The following RNF213 variants were observed in gnomAD, a reference collection of about 807,000 sequenced individuals.
RNF213 encodes ring finger protein 213.
In RNF213, 341 loss-of-function variants were observed where a neutral mutation model predicts 514.4. The observed-to-expected ratio is 0.66, with a 90% CI of 0.61 to 0.73. The LOEUF (loss-of-function observed/expected upper bound fraction) is 0.73. RNF213 is among the 30% of genes least tolerant of loss of function. The probability of loss-of-function intolerance (pLI) is 0.00; values close to 1 mark genes in which losing one functional copy is unlikely to be tolerated. For missense variants in RNF213, 5,767 were observed against 6,615.6 expected, an observed-to-expected ratio of 0.87 and a Z score of 4.45; for synonymous variants, 2,655 against 2,658.2, an observed-to-expected ratio of 1.00 and a Z score of 0.04.
chr17:80,336,442 GCAGTGA>G, intron 23 of RNF213, 64 bp downstream of exon 23: 2 of 1,402,286 alleles, frequency 1.4e-6, no homozygotes, highest in Non-Finnish European at 9.8e-7. Flanking sequence ...CAACGTTAGG[GCAGTGA>G]CTGTGGAAAT....
chr17:80,396,745 C>A lies in RNF213; in HGVS notation c.*3247C>A, dbSNP rs12936624. 4.8e-5 allele frequency: 5 copies of A among 105,118 alleles called. No individual in the cohort carries two copies. Among genetic ancestry groups the A allele is most frequent in the South Asian group, 3.6e-4 (1 of 2,762 alleles). The allele number at this position is 105,118 out of a possible 1,614,324, so 6.5% of individuals were successfully genotyped here. A position where few individuals can be genotyped will look rare whatever the true frequency, so the allele number is the denominator to read the frequency against. ...TGCATTTCCCCCCCACCCCCCCCCC[C>A]CAACCAGAGCAACTTTGGTCAGAAG... On this transcript the variant is annotated 3_prime_UTR_variant, in exon 68 of 68. Coordinates refer to ENST00000582970, the MANE Select transcript of RNF213 (RefSeq NM_001256071.3).
chr17:80,296,937 C>G (rs999045526), intron 10 of RNF213, among the ~76,000 whole-genome samples: 5 of 151,050 alleles, frequency 3.3e-5, no homozygotes, highest in African/African-American at 9.7e-5. Flanking sequence ...CCTCGACCTC[C>G]CAAAGTGCTG....
At chr17:80,387,031 C>G in intron 63 of RNF213, 140 bp downstream of exon 63, 1 of 837,708 alleles carries the variant, frequency 1.2e-6, no homozygotes, top group African/African-American at 1.7e-5. Flanking sequence ...CTGCAGCTCC[C>G]GAGGCCACCA....
intron 3 of RNF213, among the ~76,000 whole-genome samples, chr17:80,277,388 A>G (rs2044103075): frequency 6.6e-6 from 1 of 152,076 alleles, no homozygotes; most frequent in Non-Finnish European, 1.5e-5. Flanking sequence ...ACTTGAGGTC[A>G]GGAGTTCAAG....
intron 2 of RNF213, among the ~76,000 whole-genome samples, chr17:80,269,297 A>G (rs895809446): frequency 6.6e-6 from 1 of 152,106 alleles, no homozygotes; most frequent in African/African-American, 2.4e-5. Context: ...GCATCCTTCA[A>G]CCCAATCAAA....
At position 80,296,246 on chromosome 17, in the gene RNF213, C is replaced by T. The variant is rs570433932; in HGVS notation, c.2012+433C>T. Among the ~76,000 whole-genome samples the T allele has an allele frequency of 8.1e-4, 123 of 152,282 alleles. 1 individual carries two copies. Among genetic ancestry groups the T allele is most frequent in the African/African-American group, 2.9e-3 (120 of 41,574 alleles). The stretch of plus-strand genomic sequence containing the variant: ...TTTTGGCCAGGCTGGTTTCGAACTC[C>T]TGACCTCAAGTGATCCACCCACCTC... On this transcript the variant is annotated intron_variant, in intron 10 of 67. Coordinates refer to ENST00000582970, the MANE Select transcript of RNF213 (RefSeq NM_001256071.3).
chr17:80,265,707 C>T (rs1030483162), intron 2 of RNF213, among the ~76,000 whole-genome samples: 1 of 152,200 alleles, frequency 6.6e-6, no homozygotes, highest in Non-Finnish European at 1.5e-5. Context: ...CGAGCACCAG[C>T]TCTCACGCGA....
chr17:80,263,897 C>T lies in RNF213; in HGVS notation c.97+119C>T. 1.3e-6 allele frequency: 1 copy of T among 757,368 alleles called. No homozygotes were observed. Among genetic ancestry groups the T allele is most frequent in the Non-Finnish European group, 2.3e-6 (1 of 436,624 alleles). The allele number at this position is 757,368 out of a possible 1,614,324, so 46.9% of individuals were successfully genotyped here. Reference sequence around the variant, plus strand: ...GCAGCTCAGGTGGGGCCGAGGTCCTCTGTGGCTACTGAGGCTCTGTGGCTC... The same window carrying T: ...GCAGCTCAGGTGGGGCCGAGGTCCTTTGTGGCTACTGAGGCTCTGTGGCTC... On this transcript the variant is annotated intron_variant, in intron 2 of 67. Transcript: ENST00000582970. This position sits in a 1 kb window ranked among gnomAD's most constrained non-coding sequence, Gnocchi z 4.9.
At chr17:80,378,308 C>T (rs529010542) in intron 54 of RNF213, among the ~76,000 whole-genome samples, 20 of 152,296 alleles carry the variant, frequency 1.3e-4, no homozygotes, top group African/African-American at 4.6e-4. Context: ...GAAAAAGCCA[C>T]GTGTAGGCTG....
intron 23 of RNF213, 197 bp downstream of exon 23, chr17:80,336,575 C>T: frequency 1.5e-6 from 1 of 670,152 alleles, no homozygotes; most frequent in Non-Finnish European, 2.7e-6. Context: ...TACAAAATTA[C>T]ATGACACATA....
intron 3 of RNF213, among the ~76,000 whole-genome samples, chr17:80,275,248 C>T (rs931465578): frequency 1.3e-5 from 2 of 151,380 alleles, no homozygotes; most frequent in African/African-American, 4.9e-5. Flanking sequence ...TAATCCCTTC[C>T]AGAGCAGCCA....
Position 80,288,214 on chromosome 17 carries a change from A to AC in RNF213, c.663dup (p.Gly222ArgfsTer8). Reference sequence around the variant, plus strand: ...GGGCAGAGGCCTGTCCCAGGAGGGGACCGGTCCCCCCACCTCTGCTGGTGA... The same window carrying AC: ...GGGCAGAGGCCTGTCCCAGGAGGGGACCCGGTCCCCCCACCTCTGCTGGTGA... On this transcript the variant is annotated frameshift_variant, in exon 4 of 68. Coordinates refer to ENST00000582970, the MANE Select transcript of RNF213 (RefSeq NM_001256071.3). LOFTEE classifies it high-confidence loss of function. The surrounding 1 kb of genome is among the most constrained non-coding windows in gnomAD (Gnocchi z 4.9). 6.2e-7 allele frequency: 1 copy of AC among 1,612,880 alleles called. No homozygotes were observed. The highest frequency in any genetic ancestry group is 8.5e-7 in the Non-Finnish European group (1 of 1,179,748).
intron 14 of RNF213, among the ~76,000 whole-genome samples, chr17:80,310,043 A>T (rs1266607312): frequency 6.6e-6 from 1 of 150,406 alleles, no homozygotes; most frequent in Non-Finnish European, 1.5e-5. Context: ...TTAAACCACC[A>T]CGCCCAGCCT....
At chr17:80,281,066 T>TCA (rs2044239097) in intron 3 of RNF213, among the ~76,000 whole-genome samples, 1 of 147,926 alleles carries the variant, frequency 6.8e-6, no homozygotes, top group South Asian at 2.1e-4. Context: ...CTCACCCCAG[T>TCA]CACACACACC....
intron 54 of RNF213, among the ~76,000 whole-genome samples, chr17:80,378,237 G>A (rs1199180531): frequency 6.6e-6 from 1 of 152,212 alleles, no homozygotes; most frequent in Non-Finnish European, 1.5e-5. Context: ...ATGGCAAGGT[G>A]TTGCCTGGAC....
chr17:80,325,236 A>G (rs776555457), intron 18 of RNF213, 38 bp downstream of exon 18: 61 of 1,501,958 alleles, frequency 4.1e-5, no homozygotes, highest in Non-Finnish European at 5.0e-5. Context: ...CAGCTCAGGC[A>G]AGGTGGTGTC....
chr17:80,353,351 ATCT>A lies in RNF213; in HGVS notation c.10424-158_10424-156del, dbSNP rs1374254671. 3.3e-6 allele frequency: 3 copies of A among 899,824 alleles called. No homozygotes were observed. In the African/African-American group the frequency reaches 4.9e-5, roughly 15 times the overall value. 55.7% of individuals were successfully genotyped at this position (899,824 alleles called of 1,614,324 possible). A position where few individuals can be genotyped will look rare whatever the true frequency, so the allele number is the denominator to read the frequency against. On this transcript the variant is annotated intron_variant, in intron 33 of 67. Coordinates refer to ENST00000582970, the MANE Select transcript of RNF213 (RefSeq NM_001256071.3). This position sits in a 1 kb window ranked among gnomAD's most constrained non-coding sequence, Gnocchi z 5.0. ...AAGGAAGGGGCTGCCTTGGGGGCTGATCTTCATGACCGTGATCTCTCATCTGGG... is the reference window on the plus strand; with the variant it reads ...AAGGAAGGGGCTGCCTTGGGGGCTGATCATGACCGTGATCTCTCATCTGGG...
intron 12 of RNF213, 98 bp downstream of exon 12, chr17:80,306,566 C>A: frequency 3.1e-6 from 4 of 1,284,176 alleles, no homozygotes; most frequent in Non-Finnish European, 4.4e-6. Flanking sequence ...AAAAAACAGA[C>A]AGTGGGCTGG....
At chr17:80,305,197 T>TTTTTTTA (rs1598966815) in intron 11 of RNF213, among the ~76,000 whole-genome samples, 4 of 150,914 alleles carry the variant, frequency 2.7e-5, no homozygotes, top group Non-Finnish European at 2.9e-5. Context: ...TTTTTTTTTT[T>TTTTTTTA]GAGACAGTTT....
Sources: allele counts gnomAD v4.1 joint callset (sites outside exome capture counted in the v4.1 genomes callset), GRCh38; gene constraint gnomAD v4.1.1; non-coding constraint Gnocchi (gnomAD v3.1); transcripts MANE v1.5; gene names NCBI Gene and HGNC (gene_info 2026-07-23, HGNC 2026-07-21).